RELN: variants seen among roughly 807,000 people sequenced by gnomAD.
RELN encodes reelin.
In RELN, 108 loss-of-function variants were observed where a neutral mutation model predicts 427.6. The ratio of observed to expected loss-of-function variants is 0.25; its 90% CI spans 0.22 to 0.30. The LOEUF is 0.30. RELN is among the 10% of genes least tolerant of loss of function. RELN has a pLI of 1.00. For synonymous variants in RELN, 1,524 were observed against 1,513.4 expected (o/e 1.01, Z -0.16); for missense variants, 3,715 against 4,302.8 (o/e 0.86, Z 3.82).
chr7:103,950,034 C>A (rs189868490), intron 1 of RELN, among the ~76,000 whole-genome samples: 1 of 152,166 alleles, frequency 6.6e-6, no homozygotes, highest in Non-Finnish European at 1.5e-5. Flanking sequence ...ATTTCTTTTT[C>A]ACAGTTCTGG....
intron 15 of RELN, among the ~76,000 whole-genome samples, 153 bp from the exon 16 acceptor site, chr7:103,650,536 T>A (rs1162029741): frequency 6.6e-6 from 1 of 152,170 alleles, no homozygotes; most frequent in Non-Finnish European, 1.5e-5. Flanking sequence ...AATTTGTTTG[T>A]ATCTTTAAAA....
At chr7:103,483,043 T>A in intron 62 of RELN, 72 bp from the exon 63 acceptor site, 8 of 1,135,428 alleles carry the variant, frequency 7.0e-6, no homozygotes, top group Non-Finnish European at 1.1e-5. Flanking sequence ...GACTTCTAGA[T>A]GTCAAATATT....
Position 103,603,432 on chromosome 7 carries a change from T to C in RELN, c.3205A>G (p.Ile1069Val), listed in dbSNP as rs963460771. The change falls in exon 24 of 65, where the codon ATT becomes GTT. Residue 1069 changes from isoleucine (I) to valine (V), a missense_variant. Physicochemically the swap from Ile to Val is conservative, Grantham distance 29. Transcript: ENST00000428762. The surrounding 1 kb of genome is among the most constrained non-coding windows in gnomAD (Gnocchi z 4.3). ...TTCTGGTTCTCAAAATCTGACATAA[T>C]TGTGGACGGAAGGGCAGCTTCTGGG... is the stretch of plus-strand genomic sequence containing the variant. The part of the protein sequence containing the change: ...CHPEAALPST[I>V]MSDFENQNGW... 6.2e-7 allele frequency: 1 copy of C among 1,613,956 alleles called. No individual in the cohort carries two copies. Among genetic ancestry groups the C allele is most frequent in the African/African-American group, 1.3e-5 (1 of 75,050 alleles).
intron 1 of RELN, among the ~76,000 whole-genome samples, chr7:103,961,206 T>C (rs1316628704): frequency 2.6e-5 from 4 of 152,192 alleles, no homozygotes; most frequent in African/African-American, 9.6e-5. Flanking sequence ...CTCCACCTGA[T>C]TTCTAGGTCC....
intron 1 of RELN, among the ~76,000 whole-genome samples, chr7:103,922,893 A>C (rs1795647052): frequency 7.0e-6 from 1 of 143,420 alleles, no homozygotes. Context: ...TATGTGCAGA[A>C]AAGAAATTAA....
rs1584286800 is a variant in RELN, at chr7:103,551,142, C to T, written c.6227G>A (p.Ser2076Asn). The T allele has an allele frequency of 6.2e-7, 1 of 1,614,060 alleles. No individual in the cohort carries two copies. The highest frequency in any genetic ancestry group is 8.5e-7 in the Non-Finnish European group (1 of 1,180,012). ...SSLCSTEHHP[S>N]STYYAGTMQG... Reference sequence around the variant, plus strand: ...CATGGTTCCTGCGTAGTAGGTGCTGCTGGGGTGGTGCTCGGTGGAGCATAA... The same window carrying T: ...CATGGTTCCTGCGTAGTAGGTGCTGTTGGGGTGGTGCTCGGTGGAGCATAA... The change falls in exon 41 of 65, where the codon AGC (serine) becomes AAC (asparagine). Residue 2076 changes from serine (S) to asparagine (N), a missense_variant. Physicochemically the swap from Ser to Asn is conservative, Grantham distance 46. Coordinates refer to ENST00000428762, the MANE Select transcript of RELN (RefSeq NM_005045.4).
intron 20 of RELN, among the ~76,000 whole-genome samples, chr7:103,618,330 G>A (rs1175952527): frequency 6.6e-6 from 1 of 152,168 alleles, no homozygotes; most frequent in Non-Finnish European, 1.5e-5. Flanking sequence ...CCTCCCATGG[G>A]CTTCTCCCTC....
intron 4 of RELN, among the ~76,000 whole-genome samples, chr7:103,770,062 A>T (rs1791525562): frequency 2.7e-5 from 4 of 147,988 alleles, no homozygotes; most frequent in Admixed American, 2.0e-4. Context: ...AATACAGCAC[A>T]AATCTTTTTT....
intron 1 of RELN, among the ~76,000 whole-genome samples, chr7:103,980,683 G>A (rs1796972529): frequency 6.6e-6 from 1 of 152,154 alleles, no homozygotes; most frequent in African/African-American, 2.4e-5. Flanking sequence ...AGGATTTTGT[G>A]AAAATTACAT....
chr7:103,561,987 T>C, intron 34 of RELN, 34 bp from the exon 35 acceptor site: 5 of 1,582,192 alleles, frequency 3.2e-6, no homozygotes, highest in Non-Finnish European at 4.3e-6. Context: ...AACACACCAC[T>C]GGTTTGACAA....
chr7:103,871,374 C>T (rs1213811274), intron 2 of RELN, among the ~76,000 whole-genome samples: 1 of 152,044 alleles, frequency 6.6e-6, no homozygotes, highest in Non-Finnish European at 1.5e-5. Flanking sequence ...ATACTAGCAA[C>T]CAAATTTATA....
chr7:103,848,663 C>T lies in RELN; in HGVS notation c.338-14991G>A, dbSNP rs183207544. 2.0e-5 allele frequency among the ~76,000 whole-genome samples: 3 copies of T among 152,082 alleles called. No individual in the cohort carries two copies. In the East Asian group the frequency reaches 5.8e-4, roughly 29 times the overall value. ...GTGTAAACTAGGTGACACGCCTTCA[C>T]CCCAGAAAGGAAGGAACTATGGGAA... On this transcript the variant is annotated intron_variant, in intron 2 of 64. Coordinates refer to ENST00000428762, the MANE Select transcript of RELN (RefSeq NM_005045.4).
intron 6 of RELN, 60 bp downstream of exon 6, chr7:103,749,366 G>A (rs1195953524): frequency 8.0e-7 from 1 of 1,253,688 alleles, no homozygotes; most frequent in Non-Finnish European, 1.2e-6. Context: ...CCTTAAAGGA[G>A]CAGTCAGCAT....
chr7:103,943,868 AAG>A, intron 1 of RELN, among the ~76,000 whole-genome samples: 1 of 151,558 alleles, frequency 6.6e-6, no homozygotes, highest in Non-Finnish European at 1.5e-5. Flanking sequence ...AAAAAAAAAA[AAG>A]AATTGGAAAT....
At chr7:103,581,337 C>T (rs1175094401) in intron 28 of RELN, among the ~76,000 whole-genome samples, 2 of 152,078 alleles carry the variant, frequency 1.3e-5, no homozygotes, top group African/African-American at 2.4e-5. Flanking sequence ...GTGGGAGTAT[C>T]TCTTGTGGTT....
chr7:103,743,961 T>C (rs1298096661), intron 6 of RELN, among the ~76,000 whole-genome samples: 1 of 152,154 alleles, frequency 6.6e-6, no homozygotes, highest in Admixed American at 6.5e-5. Context: ...AGAATATACA[T>C]TCTTTTCAGC....
chr7:103,722,672 T>A (rs1333148378), intron 8 of RELN, among the ~76,000 whole-genome samples: 1 of 152,192 alleles, frequency 6.6e-6, no homozygotes, highest in African/African-American at 2.4e-5. Flanking sequence ...ATATGGTCAT[T>A]GTTTTCATTA....
intron 4 of RELN, among the ~76,000 whole-genome samples, chr7:103,757,340 G>C (rs78607735): frequency 4.4e-4 from 67 of 152,150 alleles, no homozygotes; most frequent in African/African-American, 1.5e-3. Context: ...ACTAGCTCTA[G>C]ATTGAATCAT....
intron 55 of RELN, 37 bp from the exon 56 acceptor site, chr7:103,496,805 A>G (rs759432572): frequency 1.2e-6 from 2 of 1,609,850 alleles, no homozygotes; most frequent in South Asian, 1.1e-5. Flanking sequence ...CAATATATCT[A>G]GAATCTCCTG....
Sources: gnomAD v4.1 joint callset for allele counts (sites outside exome capture counted in the v4.1 genomes callset) on GRCh38, gnomAD v4.1.1 for gene constraint, Gnocchi (gnomAD v3.1) non-coding constraint, MANE v1.5 for transcripts, NCBI Gene and HGNC (gene_info 2026-07-23, HGNC 2026-07-21) for gene names.